NOCT: variants seen among roughly 807,000 people sequenced by gnomAD.
NOCT encodes the protein CCR4 carbon catabolite repression 4-like.
In NOCT, 18 loss-of-function variants were observed where a neutral mutation model predicts 35.0. That is an observed-to-expected ratio of 0.51 (90% CI 0.36 to 0.76). The LOEUF (loss-of-function observed/expected upper bound fraction) is 0.76. NOCT is among the 30% of genes least tolerant of loss of function. The pLI is 0.01. For missense variants in NOCT, 479 were observed against 541.0 expected, an observed-to-expected ratio of 0.89 and a Z score of 1.14; for synonymous variants, 235 against 226.3, an observed-to-expected ratio of 1.04 and a Z score of -0.34.
rs576976567 is a variant in NOCT, at chr4:139,015,781, A to G, written c.-201A>G. ...TGCAGGTCTCGCCAGGTCTCACAGC[A>G]GACGGTGCCGACGCAGCGGTGTTGC... is the stretch of plus-strand genomic sequence containing the variant. On this transcript the variant is annotated 5_prime_UTR_variant, in exon 1 of 3. Coordinates refer to ENST00000280614, the MANE Select transcript of NOCT (RefSeq NM_012118.4). 2 of 371,506 alleles carry G rather than the reference A, an allele frequency of 5.4e-6. No homozygotes were observed. Among genetic ancestry groups the G allele is most frequent in the Admixed American group, 4.8e-5 (1 of 20,866 alleles). 23.0% of individuals were successfully genotyped at this position (371,506 alleles called of 1,614,324 possible). A position where few individuals can be genotyped will look rare whatever the true frequency, so the allele number is the denominator to read the frequency against.
chr4:139,035,806 CT>C (rs1198806338), intron 1 of NOCT, among the ~76,000 whole-genome samples: 2 of 152,150 alleles, frequency 1.3e-5, no homozygotes, highest in East Asian at 3.9e-4. Flanking sequence ...ACCTCATCTC[CT>C]TTTATTCAGA....
intron 1 of NOCT, among the ~76,000 whole-genome samples, chr4:139,041,189 C>CA (rs1726827641): frequency 6.6e-6 from 1 of 151,908 alleles, no homozygotes; most frequent in Middle Eastern, 3.2e-3. Context: ...CAGGAAGGAA[C>CA]AAAAAAAGCA....
In NOCT at chr4:139,042,541, C is replaced by A. The variant is rs537178763; in HGVS notation, c.191-533C>A. On this transcript the variant is annotated intron_variant, in intron 1 of 2. Transcript: ENST00000280614. Reference sequence around the variant, plus strand: ...ATGAGTTTTCATTGTTAATCAGAGGCTAGTTTTAACGGTAGTACTTAAATT... The same window carrying A: ...ATGAGTTTTCATTGTTAATCAGAGGATAGTTTTAACGGTAGTACTTAAATT... Among the ~76,000 whole-genome samples, 26 of 152,240 alleles carry A rather than the reference C, an allele frequency of 1.7e-4. No individual in the cohort carries two copies. In the South Asian group the frequency reaches 2.1e-3, roughly 12 times the overall value.
intron 1 of NOCT, among the ~76,000 whole-genome samples, chr4:139,031,308 CCT>C (rs1343469677): frequency 6.6e-6 from 1 of 152,016 alleles, no homozygotes; most frequent in African/African-American, 2.4e-5. Flanking sequence ...CACCACCATG[CCT>C]GGCTAATTTT....
chr4:139,045,023 T>C lies in NOCT; in HGVS notation c.845T>C (p.Ile282Thr), dbSNP rs1476084635. Residue 282 changes from isoleucine (I) to threonine (T), a missense_variant, in exon 3 of 3, where the codon ATC (isoleucine) becomes ACC (threonine). Physicochemically the swap from Ile to Thr is moderately conservative, Grantham distance 89. Around this residue, in one of 2 missense-constraint regions of NOCT, gnomAD observed 214 missense variants for 284.0 expected, o/e 0.75. Coordinates refer to ENST00000280614, the MANE Select transcript of NOCT (RefSeq NM_012118.4). Reference protein sequence around the residue: ...ECKESGRQFCIAVTHLKARTG... With the variant: ...ECKESGRQFCTAVTHLKARTG... ...AAGGAGTCAGGCCGACAGTTCTGCA[T>C]CGCTGTTACCCATCTAAAAGCACGC... 1 of 1,614,218 alleles carries C rather than the reference T, an allele frequency of 6.2e-7. No homozygotes were observed. Among genetic ancestry groups the C allele is most frequent in the South Asian group, 1.1e-5 (1 of 91,090 alleles).
chr4:139,026,743 G>GT (rs1395315332), intron 1 of NOCT, among the ~76,000 whole-genome samples: 14 of 151,560 alleles, frequency 9.2e-5, no homozygotes, highest in Admixed American at 8.5e-4. Context: ...TAGAGATGGG[G>GT]TTTTTGCCAT....
intron 1 of NOCT, among the ~76,000 whole-genome samples, chr4:139,033,691 G>C (rs1003772045): frequency 6.6e-6 from 1 of 151,522 alleles, no homozygotes; most frequent in Non-Finnish European, 1.5e-5. Flanking sequence ...AAAAAAAAAA[G>C]GGGGAATGTA....
chr4:139,024,149 C>T (rs1726473382), intron 1 of NOCT, among the ~76,000 whole-genome samples: 1 of 150,318 alleles, frequency 6.7e-6, no homozygotes, highest in African/African-American at 2.5e-5. Context: ...TAACCTCCAA[C>T]TCCTGGGCTG....
chr4:139,037,030 T>C (rs1027231551), intron 1 of NOCT, among the ~76,000 whole-genome samples: 1 of 152,230 alleles, frequency 6.6e-6, no homozygotes, highest in Non-Finnish European at 1.5e-5. Context: ...ATGCTCATTA[T>C]GCAACAGACT....
chr4:139,043,103 C>T lies in NOCT; in HGVS notation c.220C>T (p.Leu74Phe). The T allele has an allele frequency of 6.2e-7, 1 of 1,609,128 alleles. No individual in the cohort carries two copies. The highest frequency in any genetic ancestry group is 8.5e-7 in the Non-Finnish European group (1 of 1,175,908). The change falls in exon 2 of 3, where the codon CTC becomes TTC. Residue 74 changes from leucine to phenylalanine, a missense_variant. Transcript: ENST00000280614. ...TTCCATGGGAACCGGTACAAGCAGACTCTATAGTGCTCTCGCCAAGACACT... is the reference window on the plus strand; with the variant it reads ...TTCCATGGGAACCGGTACAAGCAGATTCTATAGTGCTCTCGCCAAGACACT... ...VCSMGTGTSR[L>F]YSALAKTLNS...
At position 139,015,947 on chromosome 4, in the gene NOCT, G is replaced by A; in HGVS notation, c.-35G>A. 7.6e-7 allele frequency: 1 copy of A among 1,310,032 alleles called. No homozygotes were observed. The highest frequency in any genetic ancestry group is 9.7e-7 in the Non-Finnish European group (1 of 1,033,568). The allele number at this position is 1,310,032 out of a possible 1,614,324, so 81.2% of individuals were successfully genotyped here. On this transcript the variant is annotated 5_prime_UTR_variant, in exon 1 of 3. Transcript: ENST00000280614. ...GCCCCAGCCGGGCTCCGCTCCTCGG[G>A]CGCGCGAGGGGCCGTGGTGGCGGCG...
At position 139,016,076 on chromosome 4, in the gene NOCT, T is replaced by A. The variant is rs1197587669; in HGVS notation, c.95T>A (p.Leu32Ter). 1 of 1,390,176 alleles carries A rather than the reference T, an allele frequency of 7.2e-7. No homozygotes were observed. The allele number at this position is 1,390,176 out of a possible 1,614,324, so 86.1% of individuals were successfully genotyped here. A position where few individuals can be genotyped will look rare whatever the true frequency, so the allele number is the denominator to read the frequency against. ...RLPAPGLRRP[L>*]SPPAAVPRPA... ...CCCGCCCCAGGGCTGCGCCGCCCGT[T>A]GTCCCCGCCGGCTGCTGTTCCCAGG... The change falls in exon 1 of 3, where the codon TTG (leucine) becomes TAG (stop). Residue 32 changes from leucine to a stop codon, truncating the protein, a stop_gained. Transcript: ENST00000280614. LOFTEE classifies it high-confidence loss of function.
intron 1 of NOCT, among the ~76,000 whole-genome samples, chr4:139,022,974 G>GC: frequency 6.6e-6 from 1 of 152,142 alleles, no homozygotes; most frequent in South Asian, 2.1e-4. Context: ...GGTGGTGTGT[G>GC]CCTGTAATCC....
chr4:139,016,165 C>T lies in NOCT; in HGVS notation c.184C>T (p.Arg62Ter), dbSNP rs534646574. Residue 62 changes from arginine (R) to a stop codon, truncating the protein, a stop_gained, in exon 1 of 3, where the codon CGA (arginine) becomes TGA (stop). Coordinates refer to ENST00000280614, the MANE Select transcript of NOCT (RefSeq NM_012118.4). LOFTEE classifies it high-confidence loss of function. ...CTCGGGCGCCGCGAGGTCGTGTTCC[C>T]GAACAGGTGAGTGCACCCCAGTTCC... ...AASGAARSCS[R>*]TVCSMGTGTS... 20 of 1,260,032 alleles carry T rather than the reference C, an allele frequency of 1.6e-5. No homozygotes were observed. The highest frequency in any genetic ancestry group is 1.8e-5 in the Non-Finnish European group (18 of 1,005,836). The allele number at this position is 1,260,032 out of a possible 1,614,324, so 78.1% of individuals were successfully genotyped here. A position where few individuals can be genotyped will look rare whatever the true frequency, so the allele number is the denominator to read the frequency against.
At chr4:139,031,365 G>C (rs1022313720) in intron 1 of NOCT, among the ~76,000 whole-genome samples, 5 of 152,008 alleles carry the variant, frequency 3.3e-5, no homozygotes, top group Non-Finnish European at 7.4e-5. Context: ...TGGCCAGGAT[G>C]GTCTCGATCT....
At chr4:139,041,775 C>T (rs1291586935) in intron 1 of NOCT, among the ~76,000 whole-genome samples, 3 of 152,128 alleles carry the variant, frequency 2.0e-5, no homozygotes, top group African/African-American at 7.2e-5. Context: ...ACTCTAAGCC[C>T]TTCTGGCCTC....
At chr4:139,033,288 CG>C (rs1272728893) in intron 1 of NOCT, among the ~76,000 whole-genome samples, 3 of 151,198 alleles carry the variant, frequency 2.0e-5, no homozygotes, top group Admixed American at 6.6e-5. Context: ...TGCTTGAACC[CG>C]GGGGGGCGGA....
At chr4:139,020,787 C>T (rs999384096) in intron 1 of NOCT, among the ~76,000 whole-genome samples, 13 of 152,016 alleles carry the variant, frequency 8.6e-5, no homozygotes, top group Admixed American at 8.5e-4. Flanking sequence ...TTGGTCTGGC[C>T]GGGCACAGTG....
chr4:139,033,791 G>A lies in NOCT; in HGVS notation c.191-9283G>A, dbSNP rs114478741. On this transcript the variant is annotated intron_variant, in intron 1 of 2. Coordinates refer to ENST00000280614, the MANE Select transcript of NOCT (RefSeq NM_012118.4). The stretch of plus-strand genomic sequence containing the variant: ...TTTTTTTTTTGAGAGCTGGGGTGCA[G>A]TGGTGCAGTCATGGTTCACTGCAAC... 6.7e-3 allele frequency among the ~76,000 whole-genome samples: 1,015 copies of A among 152,014 alleles called. 16 individuals carry two copies. The highest frequency in any genetic ancestry group is 0.023 in the African/African-American group (962 of 41,458).
Sources: allele counts gnomAD v4.1 joint callset (sites outside exome capture counted in the v4.1 genomes callset), GRCh38; gene constraint gnomAD v4.1.1; regional missense constraint gnomAD v4.1.1; transcripts MANE v1.5; gene names NCBI Gene and HGNC (gene_info 2026-07-23, HGNC 2026-07-21).